ADGB: variants seen among roughly 807,000 people sequenced by gnomAD.
ADGB encodes androglobin.
A neutral mutation model predicts 210.5 loss-of-function variants in ADGB; 172 were observed. That is an observed-to-expected ratio of 0.82 (90% CI 0.72 to 0.93). ADGB has a LOEUF of 0.93. Among genes scored for constraint, ADGB ranks in the 40% least tolerant of loss-of-function variants. ADGB has a pLI of 0.00. For missense variants in ADGB, 2,025 were observed against 1,964.8 expected, an observed-to-expected ratio of 1.03 and a Z score of -0.58; for synonymous variants, 658 against 662.7, an observed-to-expected ratio of 0.99 and a Z score of 0.11.
At chr6:146,661,201 T>C (rs1775850241) in intron 5 of ADGB, among the ~76,000 whole-genome samples, 1 of 148,118 alleles carries the variant, frequency 6.8e-6, no homozygotes, top group South Asian at 2.1e-4. Flanking sequence ...CTTTTTCCTT[T>C]ACTTTTTTTT....
At chr6:146,651,397 A>G (rs1775700377) in intron 3 of ADGB, among the ~76,000 whole-genome samples, 1 of 152,234 alleles carries the variant, frequency 6.6e-6, no homozygotes, top group African/African-American at 2.4e-5. Flanking sequence ...AGAACACGAG[A>G]AACAAGATGT....
At chr6:146,773,902 G>A (rs1458411273) in intron 29 of ADGB, among the ~76,000 whole-genome samples, 1 of 152,156 alleles carries the variant, frequency 6.6e-6, no homozygotes, top group Non-Finnish European at 1.5e-5. Flanking sequence ...AACTTATGAG[G>A]TAGGTGTTAT....
chr6:146,642,331 C>A (rs1435311496), intron 2 of ADGB, among the ~76,000 whole-genome samples: 1 of 151,894 alleles, frequency 6.6e-6, no homozygotes, highest in South Asian at 2.1e-4. Flanking sequence ...TATGTCAATT[C>A]CTCAAAGAGG....
intron 28 of ADGB, among the ~76,000 whole-genome samples, chr6:146,766,927 AG>A (rs1165596220): frequency 6.6e-6 from 1 of 152,218 alleles, no homozygotes; most frequent in African/African-American, 2.4e-5. Context: ...AAAATCTATC[AG>A]TATTAGTCAC....
intron 11 of ADGB, among the ~76,000 whole-genome samples, chr6:146,691,741 A>C (rs1776332680): frequency 6.6e-6 from 1 of 151,234 alleles, no homozygotes. Flanking sequence ...TGACTTGACC[A>C]CATATATGAA....
At chr6:146,608,214 T>C in intron 1 of ADGB, among the ~76,000 whole-genome samples, 1 of 151,978 alleles carries the variant, frequency 6.6e-6, no homozygotes. Context: ...CTCTGAGGTT[T>C]TGTGGTTTTT....
At chr6:146,812,717 T>A (rs1393104350) in intron 35 of ADGB, among the ~76,000 whole-genome samples, 1 of 152,206 alleles carries the variant, frequency 6.6e-6, no homozygotes, top group Non-Finnish European at 1.5e-5. Context: ...GACTTTAGTT[T>A]TAGGTGCTAG....
chr6:146,656,242 A>G (rs560805899), intron 4 of ADGB, among the ~76,000 whole-genome samples: 1 of 152,340 alleles, frequency 6.6e-6, no homozygotes, highest in African/African-American at 2.4e-5. Flanking sequence ...CGTTTTACTT[A>G]GAGCATTTCA....
At chr6:146,807,628 A>C in intron 35 of ADGB, 2 of 1,470,478 alleles carry the variant, frequency 1.4e-6, no homozygotes, top group Non-Finnish European at 1.8e-6. Flanking sequence ...GGAGAGAAAA[A>C]ATTTATTTGT....
chr6:146,792,928 C>A (rs527304219), intron 33 of ADGB, among the ~76,000 whole-genome samples: 1 of 152,224 alleles, frequency 6.6e-6, no homozygotes, highest in South Asian at 2.1e-4. Flanking sequence ...AGCCACGGAC[C>A]TTCGCAGTGA....
chr6:146,767,941 G>A (rs1686543214), intron 28 of ADGB, among the ~76,000 whole-genome samples: 1 of 149,266 alleles, frequency 6.7e-6, no homozygotes, highest in Non-Finnish European at 1.5e-5. Context: ...CCTCTACACC[G>A]GCACTATGCA....
At chr6:146,666,213 A>G (rs539310357) in intron 6 of ADGB, among the ~76,000 whole-genome samples, 2 of 152,210 alleles carry the variant, frequency 1.3e-5, no homozygotes, top group South Asian at 4.1e-4. Flanking sequence ...GTAAATGTAA[A>G]TAGACTAATA....
chr6:146,744,550 C>T (rs145334481), intron 25 of ADGB, among the ~76,000 whole-genome samples: 3 of 152,242 alleles, frequency 2.0e-5, no homozygotes, highest in Non-Finnish European at 4.4e-5. Context: ...TTATGAGCTG[C>T]GGCAGAACTT....
At chr6:146,621,591 C>T (rs1037846675) in intron 1 of ADGB, among the ~76,000 whole-genome samples, 2 of 152,132 alleles carry the variant, frequency 1.3e-5, no homozygotes, top group Non-Finnish European at 2.9e-5. Flanking sequence ...CTAGTCACAA[C>T]TTCTCTGATG....
At chr6:146,642,143 C>A (rs575934204) in intron 2 of ADGB, among the ~76,000 whole-genome samples, 1 of 151,798 alleles carries the variant, frequency 6.6e-6, no homozygotes, top group African/African-American at 2.4e-5. Context: ...ATGCAGCCAA[C>A]AAGCATATGA....
chr6:146,746,252 A>C (rs975732122), intron 26 of ADGB, 143 bp downstream of exon 26: 1 of 613,464 alleles, frequency 1.6e-6, no homozygotes, highest in Admixed American at 3.0e-5. Context: ...ATTGAGTGTG[A>C]TGTGATTATG....
rs559100943 is a variant in ADGB at position 146,612,660 on chromosome 6, C to A, written c.74+13546C>A. ...TTTCTTTAGTCAAGGTTTTTCTTAT[C>A]CAAATTACTTTATACGTAGTGCTGT... On this transcript the variant is annotated intron_variant, in intron 1 of 35. Coordinates refer to ENST00000397944, the MANE Select transcript of ADGB (RefSeq NM_024694.4). Among the ~76,000 whole-genome samples the A allele has an allele frequency of 1.1e-4, 17 of 152,242 alleles. No homozygotes were observed. In the South Asian group the frequency reaches 3.3e-3, roughly 30 times the overall value.
intron 9 of ADGB, among the ~76,000 whole-genome samples, chr6:146,680,226 T>C (rs1387764891): frequency 1.3e-5 from 2 of 152,126 alleles, no homozygotes; most frequent in African/African-American, 4.8e-5. Flanking sequence ...GACTGACCTA[T>C]ACCGTGCTCT....
intron 2 of ADGB, 39 bp downstream of exon 2, chr6:146,635,576 TTTAATTTTATAATGG>T (rs1293358878): frequency 6.8e-6 from 10 of 1,462,244 alleles, no homozygotes; most frequent in Non-Finnish European, 9.1e-6. Flanking sequence ...CATTTTGGTT[TTTAATTTTATAATGG>T]AATGAGATTT....
Sources: allele counts gnomAD v4.1 joint callset (sites outside exome capture counted in the v4.1 genomes callset), GRCh38; gene constraint gnomAD v4.1.1; transcripts MANE v1.5; gene names NCBI Gene and HGNC (gene_info 2026-07-23, HGNC 2026-07-21).